The following FSTL4 variants were observed in gnomAD, a reference collection of about 807,000 sequenced individuals.
FSTL4 encodes the protein follistatin-related protein 4.
In FSTL4, 28 loss-of-function variants were observed where a neutral mutation model predicts 78.2. The observed-to-expected ratio is 0.36, with a 90% confidence interval of 0.27 to 0.49. FSTL4 has a LOEUF of 0.49. Ranked by LOEUF, FSTL4 falls within the 20% of genes least tolerant of loss-of-function variation. FSTL4 has a pLI of 0.98. For synonymous variants in FSTL4, 422 were observed against 440.5 expected, an observed-to-expected ratio of 0.96 and a Z score of 0.53; for missense variants, 922 against 1,084.9, an observed-to-expected ratio of 0.85 and a Z score of 2.11.
chr5:133,386,970 C>T lies in FSTL4; in HGVS notation c.409+13768G>A, dbSNP rs116813071. The stretch of plus-strand genomic sequence containing the variant: ...CTGGATATACAATATTTGATGTCTG[C>T]GGTAACTCTAACTTCTCCTCATTTC... On this transcript the variant is annotated intron_variant, in intron 4 of 15. Coordinates refer to ENST00000265342, the MANE Select transcript of FSTL4 (RefSeq NM_015082.2). Among the ~76,000 whole-genome samples the T allele has an allele frequency of 7.8e-3, 1,191 of 152,304 alleles. 16 individuals carry two copies. Among genetic ancestry groups the T allele is most frequent in the African/African-American group, 0.027 (1,115 of 41,546 alleles).
chr5:133,367,005 T>A (rs1410348818), intron 4 of FSTL4, among the ~76,000 whole-genome samples: 2 of 152,196 alleles, frequency 1.3e-5, no homozygotes, highest in Non-Finnish European at 2.9e-5. Flanking sequence ...AACAGCAGGA[T>A]GAGAAGGCAT....
At chr5:133,406,058 A>G (rs903566878) in intron 3 of FSTL4, among the ~76,000 whole-genome samples, 2 of 152,248 alleles carry the variant, frequency 1.3e-5, no homozygotes, top group Non-Finnish European at 2.9e-5. Context: ...AAACAAAAAA[A>G]CAAGACAAGT....
the FSTL4 span, among the ~76,000 whole-genome samples, chr5:133,636,788 G>T: frequency 1.3e-5 from 2 of 152,054 alleles, no homozygotes; most frequent in Admixed American, 1.3e-4. Context: ...TATGGTGCAG[G>T]GTGGTAGAAC....
Position 133,225,288 on chromosome 5 carries a change from C to T in FSTL4, c.1178-4G>A, listed in dbSNP as rs1751293523. Reference sequence around the variant, plus strand: ...ATGTGGAGTTCGCTCCCATTGGCTGCAGACAGGACAGTGCTCAGGGTGGAC... The same window carrying T: ...ATGTGGAGTTCGCTCCCATTGGCTGTAGACAGGACAGTGCTCAGGGTGGAC... On this transcript the variant is annotated splice_region_variant and splice_polypyrimidine_tract_variant and intron_variant, in intron 9 of 15. Transcript: ENST00000265342. This position sits in a 1 kb window ranked among gnomAD's most constrained non-coding sequence, Gnocchi z 4.6. The T allele has an allele frequency of 1.2e-6, 2 of 1,614,068 alleles. No homozygotes were observed. The highest frequency in any genetic ancestry group is 2.2e-5 in the South Asian group (2 of 91,090).
At chr5:133,224,015 G>T (rs10042077) in intron 11 of FSTL4, 175 bp downstream of exon 11, 105,544 of 545,372 alleles carry the variant, frequency 0.19, 11,590 homozygotes, top group East Asian at 0.38. Flanking sequence ...ATTAAAGACA[G>T]GAGTACATTT....
chr5:133,207,522 C>G (rs6596113), intron 14 of FSTL4, among the ~76,000 whole-genome samples: 69 of 152,244 alleles, frequency 4.5e-4, no homozygotes, highest in African/African-American at 1.7e-3. Flanking sequence ...ATATTTGATA[C>G]GAGATATTCA....
At chr5:133,232,832 G>A (rs556265997) in intron 8 of FSTL4, among the ~76,000 whole-genome samples, 51 of 152,322 alleles carry the variant, frequency 3.3e-4, no homozygotes, top group Non-Finnish European at 5.6e-4. Context: ...TCATCAGGAG[G>A]CAGTGAATTC....
At chr5:133,221,681 C>T (rs775013773) in intron 11 of FSTL4, among the ~76,000 whole-genome samples, 6 of 152,114 alleles carry the variant, frequency 3.9e-5, no homozygotes, top group Admixed American at 2.0e-4. Context: ...TGGCCTCTGT[C>T]CCTCATTCTG....
chr5:133,473,569 A>T (rs956984871), intron 3 of FSTL4, among the ~76,000 whole-genome samples: 1 of 152,212 alleles, frequency 6.6e-6, no homozygotes, highest in Non-Finnish European at 1.5e-5. Flanking sequence ...GCGTCAACAC[A>T]TTACCTACAT....
In FSTL4 at chr5:133,251,352, C is replaced by T. The variant is rs148238719; in HGVS notation, c.728-1776G>A. Among the ~76,000 whole-genome samples the T allele has an allele frequency of 1.6e-3, 247 of 152,298 alleles. 2 individuals carry two copies. Among genetic ancestry groups the T allele is most frequent in the Non-Finnish European group, 2.9e-3 (196 of 68,020 alleles). On this transcript the variant is annotated intron_variant, in intron 6 of 15. Transcript: ENST00000265342. ...TCCCCTGGGCCACGAGGCTTTGTGC[C>T]GCTGCTCCTGCCACCTGGGGCAACC... is the stretch of plus-strand genomic sequence containing the variant.
chr5:133,209,993 A>G (rs1250637773), intron 14 of FSTL4, 198 bp downstream of exon 14: 1 of 489,742 alleles, frequency 2.0e-6, no homozygotes, highest in Admixed American at 3.2e-5. Context: ...AATCCTATTC[A>G]TCATCATTAT....
intron 7 of FSTL4, chr5:133,248,618 A>T (rs991601201): frequency 1.3e-5 from 2 of 152,208 alleles, no homozygotes; most frequent in African/African-American, 4.8e-5. Flanking sequence ...TTATAGATTA[A>T]TTCATTGAGG....
the FSTL4 span, among the ~76,000 whole-genome samples, chr5:133,803,043 A>G: frequency 6.6e-6 from 1 of 152,178 alleles, no homozygotes; most frequent in South Asian, 2.1e-4. Flanking sequence ...GTAGTAGGGG[A>G]GAATTAGACT....
chr5:133,617,057 T>C (rs1761212044), upstream of FSTL4, among the ~76,000 whole-genome samples: 1 of 152,106 alleles, frequency 6.6e-6, no homozygotes, highest in African/African-American at 2.4e-5. Flanking sequence ...TCCCAGCTCT[T>C]TGGGAGGCCG....
the FSTL4 span, among the ~76,000 whole-genome samples, chr5:133,780,501 G>T: frequency 2.0e-5 from 3 of 147,708 alleles, no homozygotes; most frequent in Non-Finnish European, 4.5e-5. Flanking sequence ...CCTGTGTATT[G>T]TTGGGGTCTC....
the FSTL4 span, among the ~76,000 whole-genome samples, chr5:133,702,818 G>A: frequency 2.6e-5 from 4 of 152,288 alleles, no homozygotes; most frequent in African/African-American, 9.6e-5. Flanking sequence ...CTGTTCGTAC[G>A]CAGAGCCTGG....
At chr5:133,323,127 G>A (rs1754115441) in intron 4 of FSTL4, among the ~76,000 whole-genome samples, 1 of 152,116 alleles carries the variant, frequency 6.6e-6, no homozygotes, top group Non-Finnish European at 1.5e-5. Context: ...AGGCTGCCGT[G>A]TCTACCTGAT....
Position 133,225,926 on chromosome 5 carries a change from G to A in FSTL4, c.1016-107C>T, listed in dbSNP as rs1442548714. 1 of 759,936 alleles carries A rather than the reference G, an allele frequency of 1.3e-6. No homozygotes were observed. The highest frequency in any genetic ancestry group is 2.0e-6 in the Non-Finnish European group (1 of 496,242). 47.1% of individuals were successfully genotyped at this position (759,936 alleles called of 1,614,324 possible). A position where few individuals can be genotyped will look rare whatever the true frequency, so the allele number is the denominator to read the frequency against. ...CCAGAGGGGGTGAACCCAAGTAGGT[G>A]ACTGGAGTTCTGTGTTTAACCAAAT... On this transcript the variant is annotated intron_variant, in intron 8 of 15. Transcript: ENST00000265342. The surrounding 1 kb of genome is among the most constrained non-coding windows in gnomAD (Gnocchi z 4.6).
intron 7 of FSTL4, among the ~76,000 whole-genome samples, chr5:133,240,695 T>C (rs1751841646): frequency 6.6e-6 from 1 of 152,198 alleles, no homozygotes; most frequent in Non-Finnish European, 1.5e-5. Flanking sequence ...CGCGCATGAC[T>C]CATCTCTTTG....
Sources: gnomAD v4.1 joint callset for allele counts (sites outside exome capture counted in the v4.1 genomes callset) on GRCh38, gnomAD v4.1.1 for gene constraint, Gnocchi (gnomAD v3.1) non-coding constraint, MANE v1.5 for transcripts, NCBI Gene and HGNC (gene_info 2026-07-23, HGNC 2026-07-21) for gene names.